Variants in MYH10 observed in about 807,000 individuals in gnomAD.
MYH10 encodes myosin heavy chain 10.
A neutral mutation model predicts 257.8 loss-of-function variants in MYH10; 55 were observed. The observed-to-expected ratio is 0.21, with a 90% CI of 0.17 to 0.27. MYH10 has a LOEUF of 0.27. Ranked by LOEUF, MYH10 falls within the 10% of genes least tolerant of loss-of-function variation. The pLI is 1.00. For synonymous variants in MYH10, 854 were observed against 921.7 expected (o/e 0.93, Z 1.33); for missense variants, 1,631 against 2,500.6 (o/e 0.65, Z 7.42).
At chr17:8,497,010 C>T (rs1053559102) in intron 30 of MYH10, among the ~76,000 whole-genome samples, 4 of 152,210 alleles carry the variant, frequency 2.6e-5, no homozygotes, top group African/African-American at 9.7e-5. Context: ...ACATTTCACG[C>T]ATGCTGTCAG....
intron 3 of MYH10, among the ~76,000 whole-genome samples, chr17:8,603,900 T>C (rs1301938214): frequency 6.6e-6 from 1 of 152,182 alleles, no homozygotes; most frequent in Non-Finnish European, 1.5e-5. Context: ...CACCTCCTGT[T>C]TGCCCTGGAA....
chr17:8,512,933 G>A (rs2081347194), intron 23 of MYH10, among the ~76,000 whole-genome samples: 1 of 152,142 alleles, frequency 6.6e-6, no homozygotes, highest in South Asian at 2.1e-4. Context: ...CAGATAAATA[G>A]GAGAGTGAAA....
intron 17 of MYH10, among the ~76,000 whole-genome samples, chr17:8,526,123 G>T (rs2081837890): frequency 6.6e-6 from 1 of 152,180 alleles, no homozygotes; most frequent in South Asian, 2.1e-4. Context: ...CTCAGGGTTA[G>T]ATTCCACCAA....
intron 7 of MYH10, among the ~76,000 whole-genome samples, chr17:8,556,379 T>C (rs1437410808): frequency 1.3e-5 from 2 of 152,222 alleles, no homozygotes; most frequent in African/African-American, 2.4e-5. Context: ...GTCCACCAAC[T>C]GGTGAATGGA....
At chr17:8,514,287 C>T (rs935349238) in intron 21 of MYH10, among the ~76,000 whole-genome samples, 1 of 152,228 alleles carries the variant, frequency 6.6e-6, no homozygotes, top group African/African-American at 2.4e-5. Context: ...TTAGGAGCTA[C>T]TCTCGTTTTC....
chr17:8,543,404 C>T (rs2082350776), intron 13 of MYH10, among the ~76,000 whole-genome samples: 1 of 151,830 alleles, frequency 6.6e-6, no homozygotes, highest in Admixed American at 6.6e-5. Context: ...TATTCATGTT[C>T]ATGTAGGTGA....
chr17:8,513,467 G>A (rs964434536), intron 23 of MYH10, 71 bp downstream of exon 23: 45 of 1,582,302 alleles, frequency 2.8e-5, no homozygotes, highest in Middle Eastern at 1.9e-4. Context: ...GAAATGTGTC[G>A]GGGTTGCTAC....
intron 6 of MYH10, among the ~76,000 whole-genome samples, chr17:8,572,348 C>G (rs777515676): frequency 6.6e-6 from 1 of 151,884 alleles, no homozygotes; most frequent in Non-Finnish European, 1.5e-5. Context: ...TCCCCTGTGC[C>G]TAACTCGGTC....
At chr17:8,559,318 A>G (rs540477659) in intron 7 of MYH10, among the ~76,000 whole-genome samples, 8 of 152,304 alleles carry the variant, frequency 5.3e-5, no homozygotes, top group Non-Finnish European at 1.0e-4. Context: ...TGATTTTTCA[A>G]CTATGTTCAC....
chr17:8,528,588 A>ATCAT (rs1404075427), intron 17 of MYH10, among the ~76,000 whole-genome samples: 2 of 152,038 alleles, frequency 1.3e-5, no homozygotes, highest in East Asian at 3.9e-4. Flanking sequence ...ATATCTTCCC[A>ATCAT]TCATTACACA....
At chr17:8,524,188 C>T (rs1193232707) in intron 17 of MYH10, among the ~76,000 whole-genome samples, 1 of 151,986 alleles carries the variant, frequency 6.6e-6, no homozygotes, top group African/African-American at 2.4e-5. Flanking sequence ...TGCCTGTAAT[C>T]CCAGTATTTT....
At chr17:8,621,640 C>G (rs1205061663) in intron 2 of MYH10, among the ~76,000 whole-genome samples, 1 of 152,198 alleles carries the variant, frequency 6.6e-6, no homozygotes, top group Non-Finnish European at 1.5e-5. Context: ...TTTCCATTCT[C>G]CTCAAGCCAC....
In MYH10 at chr17:8,515,533, CTTTTTTTTTTTTT is replaced by C. The variant is rs562174128; in HGVS notation, c.2505-1652_2505-1640del. On this transcript the variant is annotated intron_variant, in intron 21 of 42. Transcript: ENST00000360416. Reference sequence around the variant, plus strand: ...ACCAGCCAAAAAGAATTAGCCAAGTCTTTTTTTTTTTTTTTTTTTTTTTTTTTGAGACAGAGTC... The same window carrying C: ...ACCAGCCAAAAAGAATTAGCCAAGTCTTTTTTTTTTTTTTGAGACAGAGTC... 1.4e-3 allele frequency among the ~76,000 whole-genome samples: 126 copies of C among 86,900 alleles called. 1 individual carries two copies. The highest frequency in any genetic ancestry group is 5.5e-3 in the African/African-American group (117 of 21,340). The allele number at this position is 86,900 out of a possible 152,430, so 57.0% of individuals were successfully genotyped here. A position where few individuals can be genotyped will look rare whatever the true frequency, so the allele number is the denominator to read the frequency against.
chr17:8,538,244 C>T (rs138728936), intron 14 of MYH10, among the ~76,000 whole-genome samples: 54 of 152,264 alleles, frequency 3.5e-4, no homozygotes, highest in African/African-American at 1.3e-3. Context: ...TCGCTCTTGT[C>T]CCCCAGGCTG....
chr17:8,560,736 T>C, intron 7 of MYH10: 1 of 622,420 alleles, frequency 1.6e-6, no homozygotes, highest in Non-Finnish European at 3.0e-6. Context: ...GAGAACTTCA[T>C]CCTGAAGCAC....
chr17:8,589,080 C>T lies in MYH10; in HGVS notation c.530+1G>A. On this transcript the variant is annotated splice_donor_variant, in intron 4 of 42. Transcript: ENST00000360416. LOFTEE classifies it high-confidence loss of function. ...AATCTGAACATTCAACATTTACTTA[C>T]GTGCAAAGAATTGACTGGTCCTCAC... The T allele has an allele frequency of 6.2e-7, 1 of 1,613,204 alleles. No individual in the cohort carries two copies. The highest frequency in any genetic ancestry group is 1.1e-5 in the South Asian group (1 of 90,920).
intron 30 of MYH10, among the ~76,000 whole-genome samples, chr17:8,498,773 G>A (rs534181423): frequency 4.0e-5 from 6 of 151,708 alleles, no homozygotes; most frequent in South Asian, 2.1e-4. Context: ...GTGTGAACCC[G>A]GGAGACAGAG....
intron 36 of MYH10, among the ~76,000 whole-genome samples, chr17:8,485,825 A>C (rs1914666933): frequency 6.6e-6 from 1 of 152,198 alleles, no homozygotes; most frequent in South Asian, 2.1e-4. Flanking sequence ...TTCCACTCCT[A>C]GGTATATTTC....
Position 8,490,959 on chromosome 17 carries a change from T to A in MYH10, c.4672-407A>T, listed in dbSNP as rs1567786871. ...TTGCTGTAGAGAAGATCATTCGTAT[T>A]GAAAAGCACATGTGGAAACTGCTGA... On this transcript the variant is annotated intron_variant, in intron 34 of 42. Coordinates refer to ENST00000360416, the MANE Select transcript of MYH10 (RefSeq NM_001256012.3). The surrounding 1 kb of genome is among the most constrained non-coding windows in gnomAD (Gnocchi z 4.1). Among the ~76,000 whole-genome samples, 1 of 152,196 alleles carries A rather than the reference T, an allele frequency of 6.6e-6. No individual in the cohort carries two copies. Among genetic ancestry groups the A allele is most frequent in the Non-Finnish European group, 1.5e-5 (1 of 68,024 alleles).
Sources: gnomAD v4.1 joint callset for allele counts (sites outside exome capture counted in the v4.1 genomes callset) on GRCh38, gnomAD v4.1.1 for gene constraint, Gnocchi (gnomAD v3.1) non-coding constraint, MANE v1.5 for transcripts, NCBI Gene and HGNC (gene_info 2026-07-23, HGNC 2026-07-21) for gene names.